CACNG2: variants seen among roughly 807,000 people sequenced by gnomAD.
CACNG2 encodes calcium voltage-gated channel auxiliary subunit gamma 2.
CACNG2 carries 3 observed loss-of-function variants against 25.9 expected under a neutral mutation model. The ratio of observed to expected loss-of-function variants is 0.12; its 90% CI spans 0.05 to 0.30. The LOEUF (loss-of-function observed/expected upper bound fraction) is 0.30. Among genes scored for constraint, CACNG2 ranks in the 10% least tolerant of loss-of-function variants. The probability of loss-of-function intolerance (pLI) is 1.00; values close to 1 mark genes in which losing one functional copy is unlikely to be tolerated. For synonymous variants in CACNG2, 167 were observed against 173.3 expected (o/e 0.96, Z 0.29); for missense variants, 341 against 432.5 (o/e 0.79, Z 1.88).
chr22:36,679,189 CCTTCCTTCCTTTCTTTCTTTCTTT>C (rs1462169313), intron 1 of CACNG2, among the ~76,000 whole-genome samples: 281 of 69,316 alleles, frequency 4.1e-3, no homozygotes, highest in African/African-American at 0.019. Context: ...TTCCTTCCTT[CCTTCCTTCCTTTCTTTCTTTCTTT>C]CTTTCTTTCT....
chr22:36,656,304 G>A (rs545386276), intron 1 of CACNG2, among the ~76,000 whole-genome samples: 6 of 152,176 alleles, frequency 3.9e-5, no homozygotes, highest in Non-Finnish European at 5.9e-5. Flanking sequence ...TTGGGGAAGG[G>A]AAAGACTGTA....
chr22:36,644,340 C>T (rs1050426013), intron 1 of CACNG2, among the ~76,000 whole-genome samples: 1 of 152,188 alleles, frequency 6.6e-6, no homozygotes, highest in Non-Finnish European at 1.5e-5. Context: ...TTGACGTCTT[C>T]CTGTTCTCAG....
intron 1 of CACNG2, among the ~76,000 whole-genome samples, chr22:36,680,039 C>A (rs1937077557): frequency 6.6e-6 from 1 of 151,704 alleles, no homozygotes. Flanking sequence ...ATTACTACCA[C>A]CACCATCAGC....
chr22:36,679,136 C>CCCTTCCTTCCTTCCTT (rs575397901), intron 1 of CACNG2, among the ~76,000 whole-genome samples: 28 of 128,450 alleles, frequency 2.2e-4, no homozygotes, highest in Non-Finnish European at 2.8e-4. Context: ...TGGATTTTCT[C>CCCTTCCTTCCTTCCTT]CCTTCCTTCC....
chr22:36,654,539 T>C (rs1936676150), intron 1 of CACNG2, among the ~76,000 whole-genome samples: 1 of 152,122 alleles, frequency 6.6e-6, no homozygotes, highest in South Asian at 2.1e-4. Flanking sequence ...GCCTCTTTAG[T>C]AGTTTTAAAG....
At chr22:36,679,183 TTCCTTCCTTC>T (rs1569049813) in intron 1 of CACNG2, among the ~76,000 whole-genome samples, 19 of 114,160 alleles carry the variant, frequency 1.7e-4, no homozygotes, top group Admixed American at 4.4e-4. Flanking sequence ...CCTTCCTTCC[TTCCTTCCTTC>T]CTTCCTTTCT....
Position 36,604,514 on chromosome 22 carries a change from G to A in CACNG2, c.212-16966C>T, listed in dbSNP as rs190086232. Among the ~76,000 whole-genome samples the A allele has an allele frequency of 7.9e-5, 12 of 152,284 alleles. No homozygotes were observed. In the East Asian group the frequency reaches 2.1e-3, roughly 27 times the overall value. Reference sequence around the variant, plus strand: ...ATACAGAAATCTTTTGCGAAAGGAAGAATCAATTGATGTGGCAAACTACAT... The same window carrying A: ...ATACAGAAATCTTTTGCGAAAGGAAAAATCAATTGATGTGGCAAACTACAT... On this transcript the variant is annotated intron_variant, in intron 1 of 3. Coordinates refer to ENST00000300105, the MANE Select transcript of CACNG2 (RefSeq NM_006078.5).
At chr22:36,692,044 A>G (rs1937273284) in intron 1 of CACNG2, among the ~76,000 whole-genome samples, 1 of 152,146 alleles carries the variant, frequency 6.6e-6, no homozygotes, top group South Asian at 2.1e-4. Context: ...AAGCAGAGAA[A>G]ATGAGACAGG....
chr22:36,651,688 C>T (rs1936617746), intron 1 of CACNG2, among the ~76,000 whole-genome samples: 1 of 151,946 alleles, frequency 6.6e-6, no homozygotes, highest in South Asian at 2.1e-4. Context: ...GAATATTTGT[C>T]TTTTTTTGTA....
chr22:36,679,172 TCC>T (rs1601451650), intron 1 of CACNG2, among the ~76,000 whole-genome samples: 1 of 123,858 alleles, frequency 8.1e-6, no homozygotes, highest in East Asian at 2.3e-4. Flanking sequence ...CTTCCTTCCT[TCC>T]TTCCTTCCTT....
In CACNG2 at chr22:36,694,872, C is replaced by T. The variant is rs1164232066; in HGVS notation, c.211+7494G>A. On this transcript the variant is annotated intron_variant, in intron 1 of 3. Transcript: ENST00000300105. ...GAACTGTCATGGGTAGCTGAGAAGC[C>T]TAAGAAACCACTGTATTCAGATCGG... 5.9e-5 allele frequency among the ~76,000 whole-genome samples: 9 copies of T among 152,098 alleles called. No individual in the cohort carries two copies. In the East Asian group the frequency reaches 1.7e-3, roughly 29 times the overall value.
intron 2 of CACNG2, among the ~76,000 whole-genome samples, chr22:36,581,309 G>A (rs1237500422): frequency 6.6e-6 from 1 of 152,208 alleles, no homozygotes; most frequent in East Asian, 1.9e-4. Context: ...AGAGGCTGGG[G>A]GACTCCTCAG....
At chr22:36,587,377 C>A in intron 2 of CACNG2, 88 bp downstream of exon 2, 1 of 952,146 alleles carries the variant, frequency 1.1e-6, no homozygotes, top group Middle Eastern at 2.1e-4. Flanking sequence ...ATGAGGGCCT[C>A]TAGGTAGGCC....
intron 1 of CACNG2, among the ~76,000 whole-genome samples, chr22:36,649,841 C>T (rs1387935853): frequency 6.6e-6 from 1 of 152,236 alleles, no homozygotes; most frequent in Non-Finnish European, 1.5e-5. Context: ...TTTGCTCTTC[C>T]TTTGTCTTCC....
intron 1 of CACNG2, among the ~76,000 whole-genome samples, chr22:36,617,862 C>T (rs1936046132): frequency 6.6e-6 from 1 of 151,634 alleles, no homozygotes; most frequent in Non-Finnish European, 1.5e-5. Flanking sequence ...TTGTGTTGAA[C>T]ACCTGCCACA....
At chr22:36,595,750 A>G (rs749179008) in intron 1 of CACNG2, among the ~76,000 whole-genome samples, 4 of 152,164 alleles carry the variant, frequency 2.6e-5, no homozygotes, top group Non-Finnish European at 5.9e-5. Flanking sequence ...AGGGTTATTC[A>G]GCTAAGGGGC....
intron 2 of CACNG2, among the ~76,000 whole-genome samples, chr22:36,576,197 A>G (rs553085342): frequency 2.2e-4 from 34 of 152,366 alleles, no homozygotes; most frequent in African/African-American, 6.7e-4. Flanking sequence ...CTACTCAGCA[A>G]TAAAAAGGAA....
rs992835498 is a variant in CACNG2 at position 36,561,186 on chromosome 22, A to G, written c.*3165T>C. The G allele has an allele frequency of 3.3e-5, 5 of 152,254 alleles. No individual in the cohort carries two copies. The highest frequency in any genetic ancestry group is 9.7e-5 in the African/African-American group (4 of 41,446). 9.4% of individuals were successfully genotyped at this position (152,254 alleles called of 1,614,324 possible). On this transcript the variant is annotated 3_prime_UTR_variant, in exon 4 of 4. Coordinates refer to ENST00000300105, the MANE Select transcript of CACNG2 (RefSeq NM_006078.5). Reference sequence around the variant, plus strand: ...AGAACCCAGGCCTTGCGCCATGGAAAGAAGCACTGATCGCCTTCCCAGACG... The same window carrying G: ...AGAACCCAGGCCTTGCGCCATGGAAGGAAGCACTGATCGCCTTCCCAGACG...
intron 1 of CACNG2, among the ~76,000 whole-genome samples, chr22:36,620,207 G>A (rs1603501823): frequency 1.3e-5 from 2 of 152,208 alleles, no homozygotes; most frequent in Non-Finnish European, 2.9e-5. Flanking sequence ...GGCCAGCAAA[G>A]ACAAGTAGTT....
Sources: gnomAD v4.1 joint callset for allele counts (sites outside exome capture counted in the v4.1 genomes callset) on GRCh38, gnomAD v4.1.1 for gene constraint, MANE v1.5 for transcripts, NCBI Gene and HGNC (gene_info 2026-07-23, HGNC 2026-07-21) for gene names.